KCNAB3: variants seen among roughly 807,000 people sequenced by gnomAD.
The protein encoded by KCNAB3 is voltage-gated potassium channel subunit beta-3.
A neutral mutation model predicts 67.7 loss-of-function variants in KCNAB3; 62 were observed. The ratio of observed to expected loss-of-function variants is 0.92; its 90% CI spans 0.75 to 1.13. The LOEUF is 1.13. Ranked by LOEUF, KCNAB3 falls within the 50% of genes most tolerant of loss-of-function variation. The probability of loss-of-function intolerance (pLI) is 0.00; values close to 1 mark genes in which losing one functional copy is unlikely to be tolerated. For missense variants in KCNAB3, 514 were observed against 522.9 expected, an observed-to-expected ratio of 0.98 and a Z score of 0.17; for synonymous variants, 212 against 205.4, an observed-to-expected ratio of 1.03 and a Z score of -0.27.
chr17:7,923,870 A>G, intron 11 of KCNAB3, 39 bp from the exon 12 acceptor site: 1 of 1,528,132 alleles, frequency 6.5e-7, no homozygotes, highest in Non-Finnish European at 8.8e-7. Flanking sequence ...CCCCGCCATC[A>G]CCACCACCAC....
chr17:7,927,082 G>T, intron 4 of KCNAB3: 1 of 477,574 alleles, frequency 2.1e-6, no homozygotes, highest in Non-Finnish European at 3.8e-6. Context: ...ATTCATCTTT[G>T]TAGTTGCACA....
intron 9 of KCNAB3, 28 bp downstream of exon 9, chr17:7,924,387 C>A (rs762843750): frequency 6.2e-7 from 1 of 1,610,956 alleles, no homozygotes; most frequent in East Asian, 2.2e-5. Flanking sequence ...AGTTGTGGGA[C>A]AGGGGCAAGG....
chr17:7,927,234 C>G (rs749222788), intron 4 of KCNAB3, 110 bp downstream of exon 4: 13 of 1,047,740 alleles, frequency 1.2e-5, no homozygotes, highest in Non-Finnish European at 1.8e-5. Flanking sequence ...AAGGTTGGAA[C>G]TTCACGTTCT....
rs1459701537 is a variant in KCNAB3 at position 7,927,294 on chromosome 17, G to A, written c.404+50C>T. 5.4e-6 allele frequency: 8 copies of A among 1,490,940 alleles called. 2 individuals are homozygous for A. In the South Asian group the frequency reaches 9.0e-5, roughly 17 times the overall value. 92.4% of individuals were successfully genotyped at this position (1,490,940 alleles called of 1,614,324 possible). On this transcript the variant is annotated intron_variant, in intron 4 of 13. Transcript: ENST00000303790. ...GGAAAACGAGAAGATAATCCCTGGGGTCCTCTCAGCCTTCCAAATGGAGCT... is the reference window on the plus strand; with the variant it reads ...GGAAAACGAGAAGATAATCCCTGGGATCCTCTCAGCCTTCCAAATGGAGCT...
Position 7,922,979 on chromosome 17 carries a change from T to C in KCNAB3, c.*123A>G. The C allele has an allele frequency of 1.2e-6, 1 of 857,754 alleles. No homozygotes were observed. Among genetic ancestry groups the C allele is most frequent in the South Asian group, 1.4e-5 (1 of 71,254 alleles). The allele number at this position is 857,754 out of a possible 1,614,324, so 53.1% of individuals were successfully genotyped here. A position where few individuals can be genotyped will look rare whatever the true frequency, so the allele number is the denominator to read the frequency against. On this transcript the variant is annotated 3_prime_UTR_variant, in exon 14 of 14. Transcript: ENST00000303790. ...ACTACTCGAAGCCGGGACTCGTTGGTGGGCGGGGCTAGTCTGGCTCCGGCC... is the reference window on the plus strand; with the variant it reads ...ACTACTCGAAGCCGGGACTCGTTGGCGGGCGGGGCTAGTCTGGCTCCGGCC...
Position 7,927,846 on chromosome 17 carries a change from CG to C in KCNAB3, c.243-21del. ...AGGTTCCTGCAAGATACAGAAGCAG[CG>C]GGAAGGGGTGGAGCCTCCATTATGG... On this transcript the variant is annotated intron_variant, in intron 1 of 13. Coordinates refer to ENST00000303790, the MANE Select transcript of KCNAB3 (RefSeq NM_004732.4). 1 of 1,613,684 alleles carries C rather than the reference CG, an allele frequency of 6.2e-7. No homozygotes were observed. Among genetic ancestry groups the C allele is most frequent in the Non-Finnish European group, 8.5e-7 (1 of 1,179,900 alleles).
intron 8 of KCNAB3, chr17:7,924,818 C>T: frequency 1.4e-6 from 1 of 716,252 alleles, no homozygotes; most frequent in Non-Finnish European, 2.1e-6. Context: ...TCATAGCTCA[C>T]TGTGGCCTCA....
In KCNAB3 at chr17:7,929,673, T is replaced by G; in HGVS notation, c.-238A>C. 1 of 1,353,116 alleles carries G rather than the reference T, an allele frequency of 7.4e-7. No individual in the cohort carries two copies. Among genetic ancestry groups the G allele is most frequent in the East Asian group, 3.2e-5 (1 of 30,860 alleles). 83.8% of individuals were successfully genotyped at this position (1,353,116 alleles called of 1,614,324 possible). A position where few individuals can be genotyped will look rare whatever the true frequency, so the allele number is the denominator to read the frequency against. Reference sequence around the variant, plus strand: ...GGGCGCCAGGAGTGGAGATATTCAGTTACGGGGGACACAGGAGCAAGGATT... The same window carrying G: ...GGGCGCCAGGAGTGGAGATATTCAGGTACGGGGGACACAGGAGCAAGGATT... On this transcript the variant is annotated 5_prime_UTR_variant, in exon 1 of 14. Transcript: ENST00000303790. The surrounding 1 kb of genome is among the most constrained non-coding windows in gnomAD (Gnocchi z 5.7).
At chr17:7,927,452 C>G in intron 3 of KCNAB3, 29 bp from the exon 4 acceptor site, 1 of 1,603,718 alleles carries the variant, frequency 6.2e-7, no homozygotes, top group Non-Finnish European at 8.5e-7. Flanking sequence ...TAAAGATCAA[C>G]TACTGCTCCT....
In KCNAB3 at chr17:7,925,246, C is replaced by T. The variant is rs563828410; in HGVS notation, c.539-63G>A. The T allele has an allele frequency of 1.1e-4, 155 of 1,354,644 alleles. No homozygotes were observed. In the Admixed American group the frequency reaches 1.2e-3, roughly 11 times the overall value. 83.9% of individuals were successfully genotyped at this position (1,354,644 alleles called of 1,614,324 possible). A position where few individuals can be genotyped will look rare whatever the true frequency, so the allele number is the denominator to read the frequency against. Reference sequence around the variant, plus strand: ...GCTTCAGTGTACTAAGAATGCAGGCCACCAGGCGTGGTGGCTCATGCCTGT... The same window carrying T: ...GCTTCAGTGTACTAAGAATGCAGGCTACCAGGCGTGGTGGCTCATGCCTGT... On this transcript the variant is annotated intron_variant, in intron 7 of 13. Coordinates refer to ENST00000303790, the MANE Select transcript of KCNAB3 (RefSeq NM_004732.4).
chr17:7,923,282 C>T (rs773068275), intron 13 of KCNAB3, 103 bp from the exon 14 acceptor site: 6 of 1,325,856 alleles, frequency 4.5e-6, no homozygotes, highest in Admixed American at 1.7e-5. Flanking sequence ...GGTCAAGTGG[C>T]AAGGCAAGAG....
intron 4 of KCNAB3, 36 bp downstream of exon 4, chr17:7,927,308 C>G: frequency 6.3e-7 from 1 of 1,586,046 alleles, no homozygotes; most frequent in Non-Finnish European, 8.6e-7. Flanking sequence ...TCTCAGCCTT[C>G]CAAATGGAGC....
At position 7,925,548 on chromosome 17, in the gene KCNAB3, AAAAG is replaced by A. The variant is rs1298535499; in HGVS notation, c.538+131_538+134del. 902 of 763,338 alleles carry A rather than the reference AAAAG, an allele frequency of 1.2e-3. 17 individuals carry two copies. The highest frequency in any genetic ancestry group is 2.3e-3 in the East Asian group (89 of 38,244). 47.3% of individuals were successfully genotyped at this position (763,338 alleles called of 1,614,324 possible). ...CCGTCTCAAAAAAAAAAAAAAAAAA[AAAAG>A]AATTCAGACCTTGCCCCCTTGCCAT... On this transcript the variant is annotated intron_variant, in intron 7 of 13. Coordinates refer to ENST00000303790, the MANE Select transcript of KCNAB3 (RefSeq NM_004732.4).
At chr17:7,925,219 C>A in intron 7 of KCNAB3, 36 bp from the exon 8 acceptor site, 1 of 1,558,468 alleles carries the variant, frequency 6.4e-7, no homozygotes, top group South Asian at 1.1e-5. Flanking sequence ...ATAAGCACCT[C>A]AGCTTCAGTG....
At position 7,929,830 on chromosome 17, in the gene KCNAB3, C is replaced by T; in HGVS notation, c.-395G>A. ...ACCGCTGCGGGACCCGCTGGGCTCCCAGCCGCGTCGGCAGCGGGCCCAGCT... is the reference window on the plus strand; with the variant it reads ...ACCGCTGCGGGACCCGCTGGGCTCCTAGCCGCGTCGGCAGCGGGCCCAGCT... On this transcript the variant is annotated 5_prime_UTR_variant, in exon 1 of 14. Coordinates refer to ENST00000303790, the MANE Select transcript of KCNAB3 (RefSeq NM_004732.4). The surrounding 1 kb of genome is among the most constrained non-coding windows in gnomAD (Gnocchi z 5.7). 7.8e-6 allele frequency: 8 copies of T among 1,031,010 alleles called. No individual in the cohort carries two copies. Among genetic ancestry groups the T allele is most frequent in the Admixed American group, 5.5e-5 (1 of 18,252 alleles). 63.9% of individuals were successfully genotyped at this position (1,031,010 alleles called of 1,614,324 possible).
Position 7,925,293 on chromosome 17 carries a change from C to T in KCNAB3, c.539-110G>A, listed in dbSNP as rs368549450. On this transcript the variant is annotated intron_variant, in intron 7 of 13. Coordinates refer to ENST00000303790, the MANE Select transcript of KCNAB3 (RefSeq NM_004732.4). ...CTGTAATCCCAGCACTTTGGGAGGC[C>T]GAGGTGGGCGGATCACCTGAGGTCA... 1,434 of 791,830 alleles carry T rather than the reference C, an allele frequency of 1.8e-3. 20 individuals carry two copies. The African/African-American group carries it at 0.022, about 12-fold the overall frequency. 49.1% of individuals were successfully genotyped at this position (791,830 alleles called of 1,614,324 possible). A position where few individuals can be genotyped will look rare whatever the true frequency, so the allele number is the denominator to read the frequency against.
In KCNAB3 at chr17:7,925,844, C is replaced by T. The variant is rs1013913609; in HGVS notation, c.494+87G>A. 45 of 1,590,820 alleles carry T rather than the reference C, an allele frequency of 2.8e-5. No individual in the cohort carries two copies. In the Middle Eastern group the frequency reaches 1.3e-3, roughly 47 times the overall value. On this transcript the variant is annotated intron_variant, in intron 6 of 13. Transcript: ENST00000303790. ...TCACAGGCATGGTGCGGACCTGGTG[C>T]AGGATAGCTGTCCCCACCCCCACCC...
chr17:7,924,574 C>T, intron 8 of KCNAB3, 74 bp from the exon 9 acceptor site: 3 of 1,508,332 alleles, frequency 2.0e-6, no homozygotes, highest in Non-Finnish European at 2.7e-6. Context: ...CAGACCTCCA[C>T]CTGCCCCACC....
At chr17:7,928,154 G>A (rs976260536) in intron 1 of KCNAB3, 1 of 468,072 alleles carries the variant, frequency 2.1e-6, no homozygotes, top group Non-Finnish European at 3.9e-6. Context: ...TGTGGGTTGT[G>A]TGCAGTGAGG....
Sources: gnomAD v4.1 joint callset for allele counts on GRCh38, gnomAD v4.1.1 for gene constraint, Gnocchi (gnomAD v3.1) non-coding constraint, MANE v1.5 for transcripts, NCBI Gene and HGNC (gene_info 2026-07-23, HGNC 2026-07-21) for gene names.